Variants in JOSD1 observed in about 807,000 individuals in gnomAD.
JOSD1 encodes the protein Josephin domain containing 1, also known as josephin-1.
A neutral mutation model predicts 24.3 loss-of-function variants in JOSD1; 11 were observed. That is an observed-to-expected ratio of 0.45 (90% confidence interval 0.29 to 0.75). The LOEUF is 0.75. Among genes scored for constraint, JOSD1 ranks in the 30% least tolerant of loss-of-function variants. The pLI is 0.11. For synonymous variants in JOSD1, 106 were observed against 93.8 expected, an observed-to-expected ratio of 1.13 and a Z score of -0.75; for missense variants, 184 against 253.5, an observed-to-expected ratio of 0.73 and a Z score of 1.86.
intron 2 of JOSD1, among the ~76,000 whole-genome samples, chr22:38,694,362 G>A (rs1204135570): frequency 1.3e-5 from 2 of 152,210 alleles, no homozygotes; most frequent in Non-Finnish European, 2.9e-5. Context: ...ATACTGAAGA[G>A]TGCTCTGGAT....
At chr22:38,691,441 C>T (rs2092521856) in intron 2 of JOSD1, among the ~76,000 whole-genome samples, 1 of 152,038 alleles carries the variant, frequency 6.6e-6, no homozygotes. Flanking sequence ...CTGATGGCAC[C>T]TAAAGCACTT....
At chr22:38,692,268 C>T (rs961836930) in intron 2 of JOSD1, among the ~76,000 whole-genome samples, 1 of 152,260 alleles carries the variant, frequency 6.6e-6, no homozygotes. Flanking sequence ...AACTGACCTG[C>T]CCATGAGCAC....
chr22:38,691,356 CA>C (rs1308763844), intron 2 of JOSD1, among the ~76,000 whole-genome samples: 3 of 112,152 alleles, frequency 2.7e-5, no homozygotes, highest in East Asian at 2.8e-4. Flanking sequence ...GACCCTGTCT[CA>C]AAAAAAAAGA....
At chr22:38,693,846 C>T (rs1460119184) in intron 2 of JOSD1, among the ~76,000 whole-genome samples, 1 of 152,178 alleles carries the variant, frequency 6.6e-6, no homozygotes, top group Non-Finnish European at 1.5e-5. Context: ...GAGTGAGGAC[C>T]ATACATATCT....
In JOSD1 at chr22:38,700,810, G is replaced by A. The variant is rs1248860888; in HGVS notation, c.-642C>T. 4 of 984,888 alleles carry A rather than the reference G, an allele frequency of 4.1e-6. No homozygotes were observed. The highest frequency in any genetic ancestry group is 6.2e-5 in the Admixed American group (1 of 16,200). 61.0% of individuals were successfully genotyped at this position (984,888 alleles called of 1,614,324 possible). A position where few individuals can be genotyped will look rare whatever the true frequency, so the allele number is the denominator to read the frequency against. ...AGCCCCTACACAAACCTCCCCGCCC[G>A]TCACGTGAGCGCAGGCCCAGACGCC... On this transcript the variant is annotated 5_prime_UTR_variant, in exon 1 of 5. It adds an upstream start codon to the 5' untranslated region. Transcript: ENST00000683374.
chr22:38,699,816 C>A lies in JOSD1; in HGVS notation c.172G>T (p.Glu58Ter). 1 of 1,614,176 alleles carries A rather than the reference C, an allele frequency of 6.2e-7. No individual in the cohort carries two copies. The highest frequency in any genetic ancestry group is 8.5e-7 in the Non-Finnish European group (1 of 1,180,024). ...SNAFTRDTLQEIFQRLSPNTM... is the reference protein window; with the variant it reads ...SNAFTRDTLQ ...AGGGTCCCCTACCTCTGGAAAATCT[C>A]TTGCAGCGTATCCCGGGTGAAGGCA... The change falls in exon 2 of 5, where the codon GAG (glutamate) becomes TAG (stop). Residue 58 changes from glutamate to a stop codon, truncating the protein, a stop_gained. Coordinates refer to ENST00000683374, the MANE Select transcript of JOSD1 (RefSeq NM_001360236.2). LOFTEE classifies it high-confidence loss of function.
rs768931356 is a variant in JOSD1, at chr22:38,689,323, T to C, written c.287A>G (p.Tyr96Cys). 110 of 1,614,152 alleles carry C rather than the reference T, an allele frequency of 6.8e-5. 1 individual carries two copies. The South Asian group carries it at 9.3e-4, about 14-fold the overall frequency. Reference sequence around the variant, plus strand: ...GCGCTTGTCCCACCAAACAGCTTCATAGCCTTTGGTCTGAAGTGCTGCCAT... The same window carrying C: ...GCGCTTGTCCCACCAAACAGCTTCACAGCCTTTGGTCTGAAGTGCTGCCAT... ...VIMAALQTKG[Y>C]EAVWWDKRRD... The change falls in exon 3 of 5, where the codon TAT (tyrosine) becomes TGT (cysteine). Residue 96 changes from tyrosine (Y) to cysteine (C), a missense_variant. Physicochemically the swap from Tyr to Cys is radical, Grantham distance 194. Transcript: ENST00000683374.
Position 38,700,845 on chromosome 22 carries a change from C to T in JOSD1, c.-677G>A. On this transcript the variant is annotated 5_prime_UTR_variant, in exon 1 of 5. Coordinates refer to ENST00000683374, the MANE Select transcript of JOSD1 (RefSeq NM_001360236.2). ...CGCAGGCCCAGACGCCCTCCCGCCG[C>T]GCCCCCGGCCGCAGACCCCAGGGCC... 1 of 984,648 alleles carries T rather than the reference C, an allele frequency of 1.0e-6. No individual in the cohort carries two copies. Among genetic ancestry groups the T allele is most frequent in the Non-Finnish European group, 1.2e-6 (1 of 829,676 alleles). The allele number at this position is 984,648 out of a possible 1,614,324, so 61.0% of individuals were successfully genotyped here.
intron 4 of JOSD1, 91 bp downstream of exon 4, chr22:38,688,844 T>C: frequency 8.3e-7 from 1 of 1,211,932 alleles, no homozygotes; most frequent in Non-Finnish European, 1.2e-6. Flanking sequence ...GGAATTTCAT[T>C]TCCTTTGTCA....
chr22:38,701,182 C>T (rs530607725), upstream of JOSD1: 51 of 178,940 alleles, frequency 2.9e-4, 2 homozygotes, highest in South Asian at 8.8e-3. Context: ...CGCACCTCGG[C>T]GGCGGCCGGC....
rs1179797874 is a variant in JOSD1, at chr22:38,689,078, C to G, written c.366G>C (p.Leu122=). 1 of 1,614,036 alleles carries G rather than the reference C, an allele frequency of 6.2e-7. No individual in the cohort carries two copies. The highest frequency in any genetic ancestry group is 8.5e-7 in the Non-Finnish European group (1 of 1,180,044). ...LTNVMGFIMN[L]PSSLCWGPLK... is the part of the protein sequence containing the mutation. ...GTGGACCCCAGCATAGGCTGGAGGG[C>G]AGATTCATGATGAAGCCCATGACGT... The change falls in exon 4 of 5, where the codon CTG becomes CTC. Residue 122 remains leucine, a synonymous_variant. Coordinates refer to ENST00000683374, the MANE Select transcript of JOSD1 (RefSeq NM_001360236.2).
chr22:38,698,649 T>C (rs2092554912), intron 2 of JOSD1, among the ~76,000 whole-genome samples: 2 of 152,344 alleles, frequency 1.3e-5, no homozygotes, highest in Non-Finnish European at 1.5e-5. Context: ...GATCATCACC[T>C]GAGTTGCTAT....
rs2092505084 is a variant in JOSD1, at chr22:38,687,914, C to A, written c.597G>T (p.Arg199Ser). The A allele has an allele frequency of 6.2e-7, 1 of 1,612,088 alleles. No homozygotes were observed. The highest frequency in any genetic ancestry group is 1.1e-5 in the South Asian group (1 of 91,048). The change falls in exon 5 of 5, where the codon AGG becomes AGT. Residue 199 changes from arginine to serine, a missense_variant. Arg to Ser is a moderately radical substitution (Grantham distance 110). Transcript: ENST00000683374. Reference sequence around the variant, plus strand: ...TTGGGCAGAACTGTTACACATCGGTCCTCCAACTCTGATGAGCCTCTACCT... The same window carrying A: ...TTGGGCAGAACTGTTACACATCGGTACTCCAACTCTGATGAGCCTCTACCT... ...PEEVEAHQSW[R>S]TDV
At chr22:38,699,437 T>C (rs2092558232) in intron 2 of JOSD1, among the ~76,000 whole-genome samples, 1 of 152,220 alleles carries the variant, frequency 6.6e-6, no homozygotes, top group Non-Finnish European at 1.5e-5. Flanking sequence ...CATTATAGCA[T>C]AGTGGTCAAC....
intron 2 of JOSD1, among the ~76,000 whole-genome samples, chr22:38,690,387 A>T (rs574074241): frequency 6.6e-6 from 1 of 152,236 alleles, no homozygotes; most frequent in South Asian, 2.1e-4. Context: ...TGCACAGCAG[A>T]AATACTGGTA....
chr22:38,692,781 CAA>C (rs61214432), intron 2 of JOSD1, among the ~76,000 whole-genome samples: 7 of 45,016 alleles, frequency 1.6e-4, no homozygotes, highest in East Asian at 6.5e-4. Flanking sequence ...AACTCTGTCT[CAA>C]AAAAAAAAAA....
At chr22:38,698,089 C>T (rs932565639) in intron 2 of JOSD1, among the ~76,000 whole-genome samples, 4 of 152,236 alleles carry the variant, frequency 2.6e-5, no homozygotes, top group Non-Finnish European at 5.9e-5. Context: ...TCCTTTCCTT[C>T]TCCCTAGTTT....
chr22:38,699,075 T>G (rs2092556876), intron 2 of JOSD1, among the ~76,000 whole-genome samples: 1 of 152,176 alleles, frequency 6.6e-6, no homozygotes, highest in South Asian at 2.1e-4. Context: ...ACCTGTGGGG[T>G]GGCATTTGTT....
At position 38,699,934 on chromosome 22, in the gene JOSD1, C is replaced by A. The variant is rs756380535; in HGVS notation, c.54G>T (p.Leu18=). The change falls in exon 2 of 5, where the codon CTG becomes CTT. Residue 18 remains leucine, a synonymous_variant. Transcript: ENST00000683374. ...GDKAKSESLE[L]PQAAPPQIYH... ...AGATTTGTGGGGGTGCTGCCTGGGG[C>A]AGCTCCAATGATTCAGATTTGGCCT... 1 of 1,613,744 alleles carries A rather than the reference C, an allele frequency of 6.2e-7. No homozygotes were observed. The highest frequency in any genetic ancestry group is 1.1e-5 in the South Asian group (1 of 91,044).
Sources: allele counts gnomAD v4.1 joint callset (sites outside exome capture counted in the v4.1 genomes callset), GRCh38; gene constraint gnomAD v4.1.1; transcripts MANE v1.5; gene names NCBI Gene and HGNC (gene_info 2026-07-23, HGNC 2026-07-21).